SYNE1: variants seen among roughly 807,000 people sequenced by gnomAD.
SYNE1 encodes the protein nesprin-1.
SYNE1 carries 616 observed loss-of-function variants against 1,111.0 expected under a neutral mutation model. The observed-to-expected ratio is 0.55, with a 90% CI of 0.52 to 0.59. The LOEUF (loss-of-function observed/expected upper bound fraction) is 0.59, where lower values mean the gene tolerates loss of function less well. SYNE1 is among the 20% of genes least tolerant of loss of function. The pLI, the probability that SYNE1 is intolerant of heterozygous loss-of-function variation, is 0.00. For missense variants in SYNE1, 10,006 were observed against 10,417.0 expected (o/e 0.96, Z 1.72); for synonymous variants, 3,855 against 3,825.8 (o/e 1.01, Z -0.28).
intron 5 of SYNE1, among the ~76,000 whole-genome samples, chr6:152,521,332 C>T (rs2099138210): frequency 6.6e-6 from 1 of 152,104 alleles, no homozygotes; most frequent in South Asian, 2.1e-4. Flanking sequence ...GTACTTCTCA[C>T]CTTTTGTACA....
intron 10 of SYNE1, among the ~76,000 whole-genome samples, chr6:152,499,851 T>G (rs1042055196): frequency 7.9e-5 from 12 of 152,210 alleles, no homozygotes; most frequent in Middle Eastern, 3.2e-3. Flanking sequence ...AGAGGGAATT[T>G]TTTTAACGAC....
rs767076271 is a variant in SYNE1, at chr6:152,247,606, G to A, written c.19572+1555C>T. ...ACAGCCGGATGCGGTGGCTCACACC[G>A]GTAATCCCAACACTTTGGGAGGCTG... On this transcript the variant is annotated intron_variant, in intron 105 of 145. Transcript: ENST00000367255. 6.0e-5 allele frequency among the ~76,000 whole-genome samples: 9 copies of A among 151,124 alleles called. No individual in the cohort carries two copies. The South Asian group carries it at 1.0e-3, about 18-fold the overall frequency.
intron 56 of SYNE1, among the ~76,000 whole-genome samples, chr6:152,378,174 A>T (rs1438678971): frequency 6.6e-6 from 1 of 152,240 alleles, no homozygotes; most frequent in Admixed American, 6.5e-5. Context: ...ACTCCCAAAT[A>T]TGTAAACACT....
intron 91 of SYNE1, among the ~76,000 whole-genome samples, chr6:152,305,720 T>C (rs1392844334): frequency 6.6e-6 from 1 of 152,222 alleles, no homozygotes; most frequent in Non-Finnish European, 1.5e-5. Context: ...AATTTGTATG[T>C]TATCATCAGT....
At chr6:152,253,857 T>C (rs1180437916) in intron 104 of SYNE1, among the ~76,000 whole-genome samples, 1 of 121,300 alleles carries the variant, frequency 8.2e-6, no homozygotes, top group African/African-American at 3.4e-5. Flanking sequence ...TTTTTTTTTT[T>C]TTTGCAAATC....
rs576980180 is a variant in SYNE1, at chr6:152,501,298, A to T, written c.888+1335T>A. Among the ~76,000 whole-genome samples, 200 of 152,340 alleles carry T rather than the reference A, an allele frequency of 1.3e-3. 1 individual carries two copies. In the Middle Eastern group the frequency reaches 0.017, roughly 13 times the overall value. ...TGTTTAAAAAAACAGGAAAACAGGCAGTCTGGTGTCTTGGAGTGTGAAATA... is the reference window on the plus strand; with the variant it reads ...TGTTTAAAAAAACAGGAAAACAGGCTGTCTGGTGTCTTGGAGTGTGAAATA... On this transcript the variant is annotated intron_variant, in intron 10 of 145. Transcript: ENST00000367255.
chr6:152,141,876 C>T (rs908508015), intron 138 of SYNE1, among the ~76,000 whole-genome samples: 1 of 152,068 alleles, frequency 6.6e-6, no homozygotes, highest in African/African-American at 2.4e-5. Context: ...TTGAGACCAG[C>T]CTGGGCAACA....
intron 91 of SYNE1, among the ~76,000 whole-genome samples, chr6:152,304,366 G>A (rs1240185089): frequency 5.3e-5 from 8 of 151,974 alleles, no homozygotes; most frequent in East Asian, 3.9e-4. Context: ...ATGGAGTCTC[G>A]CTCTGTCACC....
At chr6:152,242,574 C>A in intron 106 of SYNE1, 134 bp from the exon 107 acceptor site, 1 of 870,792 alleles carries the variant, frequency 1.1e-6, no homozygotes, top group South Asian at 1.4e-5. Flanking sequence ...CCTGGAAACG[C>A]TCTACCTGTA....
chr6:152,451,132 G>A lies in SYNE1; in HGVS notation c.3101C>T (p.Ser1034Phe), dbSNP rs758244463. The A allele has an allele frequency of 1.9e-6, 3 of 1,614,114 alleles. No homozygotes were observed. Among genetic ancestry groups the A allele is most frequent in the Non-Finnish European group, 1.7e-6 (2 of 1,180,002 alleles). Residue 1034 changes from serine to phenylalanine, a missense_variant, in exon 26 of 146, where the codon TCT becomes TTT. Ser to Phe is a radical substitution (Grantham distance 155). Coordinates refer to ENST00000367255, the MANE Select transcript of SYNE1 (RefSeq NM_182961.4). ...CAGCTCAGTTCTGCATTCTTCTACA[G>A]AGGCTAAGAACCTATTCTTCTCCAC... ...IDVEKNRFLA[S>F]VEECRTELDR...
intron 6 of SYNE1, among the ~76,000 whole-genome samples, chr6:152,513,340 C>A (rs963572541): frequency 7.2e-5 from 11 of 151,902 alleles, no homozygotes; most frequent in Non-Finnish European, 1.3e-4. Flanking sequence ...GCATGGGGCC[C>A]TAATCTAATC....
chr6:152,235,753 T>C (rs1415294769), intron 110 of SYNE1, among the ~76,000 whole-genome samples: 1 of 151,626 alleles, frequency 6.6e-6, no homozygotes, highest in Non-Finnish European at 1.5e-5. Flanking sequence ...TTTATTTATT[T>C]ATTTTTGAGA....
rs138395598 is a variant in SYNE1 at position 152,364,686 on chromosome 6, GAGGAAGGA to G, written c.10145+153_10145+160del. Among the ~76,000 whole-genome samples the G allele has an allele frequency of 6.3e-3, 683 of 108,060 alleles. 3 individuals are homozygous for G. The highest frequency in any genetic ancestry group is 7.1e-3 in the Non-Finnish European group (379 of 53,580). 70.9% of individuals were successfully genotyped at this position (108,060 alleles called of 152,430 possible). A position where few individuals can be genotyped will look rare whatever the true frequency, so the allele number is the denominator to read the frequency against. ...AGGGAGGGAAGGAGGAAGGAGGAAG[GAGGAAGGA>G]AGGAAGGAAGGAAGGAAGGAAGGAA... On this transcript the variant is annotated intron_variant, in intron 63 of 145. Coordinates refer to ENST00000367255, the MANE Select transcript of SYNE1 (RefSeq NM_182961.4).
intron 3 of SYNE1, chr6:152,546,403 T>G (rs2099313292): frequency 2.0e-5 from 3 of 152,160 alleles, no homozygotes; most frequent in African/African-American, 7.2e-5. Context: ...TGGTCTCATT[T>G]CCCCAGACCT....
At position 152,592,650 on chromosome 6, in the gene SYNE1, C is replaced by A. The variant is rs528871223; in HGVS notation, c.67+35615G>T. 1.1e-3 allele frequency among the ~76,000 whole-genome samples: 169 copies of A among 152,270 alleles called. 1 individual carries two copies. The highest frequency in any genetic ancestry group is 3.4e-3 in the Middle Eastern group (1 of 294). On this transcript the variant is annotated intron_variant, in intron 3 of 145. Coordinates refer to ENST00000367255, the MANE Select transcript of SYNE1 (RefSeq NM_182961.4). ...GTGATGGGATCTGTACTCCAAACCT[C>A]AGCATCACACAATATTGCCATGTAA...
chr6:152,615,608 A>G (rs942356987), intron 3 of SYNE1, among the ~76,000 whole-genome samples: 5 of 152,216 alleles, frequency 3.3e-5, no homozygotes, highest in African/African-American at 1.2e-4. Context: ...AAATCAAATA[A>G]AAGTTGTTAG....
chr6:152,429,640 C>T (rs2098409758), intron 36 of SYNE1, among the ~76,000 whole-genome samples: 1 of 152,080 alleles, frequency 6.6e-6, no homozygotes, highest in Non-Finnish European at 1.5e-5. Context: ...CTAAATTCTG[C>T]CAGAGCCATC....
In SYNE1 at chr6:152,278,150, C is replaced by T; in HGVS notation, c.18512G>A (p.Arg6171Lys). ...EAEQLAGKLRRLKGSLLELQR... is the reference protein window; with the variant it reads ...EAEQLAGKLRKLKGSLLELQR... Reference sequence around the variant, plus strand: ...CAGCTCCAGCAGGCTCCCCTTGAGCCTTCTCAGCTTTCCAGCCAGCTGCTC... The same window carrying T: ...CAGCTCCAGCAGGCTCCCCTTGAGCTTTCTCAGCTTTCCAGCCAGCTGCTC... Residue 6171 changes from arginine (R) to lysine (K), a missense_variant, in exon 98 of 146, where the codon AGG (arginine) becomes AAG (lysine). By Grantham distance (26) the Arg-to-Lys change is conservative (BLOSUM62 2). Transcript: ENST00000367255. The T allele has an allele frequency of 1.2e-6, 2 of 1,614,132 alleles. No homozygotes were observed. The highest frequency in any genetic ancestry group is 1.7e-6 in the Non-Finnish European group (2 of 1,180,034).
rs181241879 is a variant in SYNE1 at position 152,466,037 on chromosome 6, C to G, written c.1674G>C (p.Val558=). The G allele has an allele frequency of 1.2e-6, 2 of 1,612,754 alleles. No individual in the cohort carries two copies. The highest frequency in any genetic ancestry group is 3.3e-5 in the Admixed American group (2 of 59,946). The part of the protein sequence containing the change: ...ENSKFFEQYE[V]TYQILKQTAE... ...CTGTCTGTTTCAAGATCTGGTATGTCACCTCATATTGTTCAAAGAACTTGC... is the reference window on the plus strand; with the variant it reads ...CTGTCTGTTTCAAGATCTGGTATGTGACCTCATATTGTTCAAAGAACTTGC... The change falls in exon 17 of 146, where the codon GTG becomes GTC. Residue 558 remains valine (V), a synonymous_variant. Coordinates refer to ENST00000367255, the MANE Select transcript of SYNE1 (RefSeq NM_182961.4).
Sources: allele counts gnomAD v4.1 joint callset (sites outside exome capture counted in the v4.1 genomes callset), GRCh38; gene constraint gnomAD v4.1.1; transcripts MANE v1.5; gene names NCBI Gene and HGNC (gene_info 2026-07-23, HGNC 2026-07-21).